The following MAPK8 variants were observed in gnomAD, a reference collection of about 807,000 sequenced individuals.
The protein encoded by MAPK8 is mitogen-activated protein kinase 8, also known as JUN N-terminal kinase.
A neutral mutation model predicts 52.9 loss-of-function variants in MAPK8; 13 were observed. The observed-to-expected ratio is 0.25, with a 90% CI of 0.16 to 0.39. MAPK8 has a LOEUF of 0.39. Among genes scored for constraint, MAPK8 ranks in the 10% least tolerant of loss-of-function variants. The probability of loss-of-function intolerance (pLI) is 1.00; values close to 1 mark genes in which losing one functional copy is unlikely to be tolerated. For missense variants in MAPK8, 300 were observed against 519.2 expected (o/e 0.58, Z 4.10); for synonymous variants, 191 against 169.8 (o/e 1.12, Z -0.97).
intron 1 of MAPK8, among the ~76,000 whole-genome samples, chr10:48,360,478 A>G (rs1847417510): frequency 6.6e-6 from 1 of 152,168 alleles, no homozygotes; most frequent in Admixed American, 6.5e-5. Flanking sequence ...AGAAAAGCAT[A>G]AGCAAATGTG....
intron 1 of MAPK8, among the ~76,000 whole-genome samples, chr10:48,350,832 T>C (rs1010736360): frequency 2.6e-5 from 4 of 152,240 alleles, no homozygotes; most frequent in Non-Finnish European, 5.9e-5. Flanking sequence ...AAATTGTCTC[T>C]GTTTGCAGAT....
intron 6 of MAPK8, 136 bp downstream of exon 6, chr10:48,420,456 T>C: frequency 1.2e-6 from 1 of 856,068 alleles, no homozygotes; most frequent in Non-Finnish European, 1.7e-6. Context: ...TATCAAAAGT[T>C]TGCAGGTAAC....
intron 5 of MAPK8, among the ~76,000 whole-genome samples, chr10:48,419,195 TG>T (rs2043216939): frequency 6.6e-6 from 1 of 152,244 alleles, no homozygotes; most frequent in South Asian, 2.1e-4. Context: ...CTTTTCTGTA[TG>T]TTAACATTAC....
At chr10:48,361,228 C>T (rs1589068062) in intron 1 of MAPK8, among the ~76,000 whole-genome samples, 2 of 152,178 alleles carry the variant, frequency 1.3e-5, no homozygotes, top group African/African-American at 4.8e-5. Flanking sequence ...CCCCTGATCA[C>T]ATTAATAGGG....
chr10:48,374,493 A>G (rs1202621470), intron 1 of MAPK8, among the ~76,000 whole-genome samples: 1 of 152,174 alleles, frequency 6.6e-6, no homozygotes, highest in Non-Finnish European at 1.5e-5. Flanking sequence ...ACCGCTAGCC[A>G]GACTAATAAA....
intron 1 of MAPK8, among the ~76,000 whole-genome samples, chr10:48,353,813 A>G (rs192176381): frequency 4.3e-4 from 66 of 152,340 alleles, no homozygotes; most frequent in Admixed American, 1.1e-3. Flanking sequence ...TCTTGAAATG[A>G]CAAAATTATA....
chr10:48,353,343 T>C (rs897290275), intron 1 of MAPK8, among the ~76,000 whole-genome samples: 5 of 152,286 alleles, frequency 3.3e-5, no homozygotes, highest in African/African-American at 9.6e-5. Flanking sequence ...TTTCGACTTA[T>C]AAAGATAGCA....
chr10:48,418,513 A>G (rs1240675814), intron 5 of MAPK8, among the ~76,000 whole-genome samples: 1 of 152,144 alleles, frequency 6.6e-6, no homozygotes, highest in Non-Finnish European at 1.5e-5. Context: ...CTAATCACCA[A>G]AGCAGGGCAG....
At chr10:48,336,429 G>A (rs1844692702) in intron 1 of MAPK8, among the ~76,000 whole-genome samples, 2 of 152,052 alleles carry the variant, frequency 1.3e-5, no homozygotes, top group African/African-American at 2.4e-5. Flanking sequence ...AATTTGATGT[G>A]GCTCCTACTT....
chr10:48,418,908 G>T (rs1447261625), intron 5 of MAPK8, among the ~76,000 whole-genome samples: 1 of 152,140 alleles, frequency 6.6e-6, no homozygotes, highest in Non-Finnish European at 1.5e-5. Context: ...CTAGTATAAA[G>T]AGCCAGTAAC....
chr10:48,373,983 A>G (rs2040493434), intron 1 of MAPK8, among the ~76,000 whole-genome samples: 1 of 152,138 alleles, frequency 6.6e-6, no homozygotes, highest in Non-Finnish European at 1.5e-5. Flanking sequence ...ACTAAAATTG[A>G]CCACATAAGT....
intron 1 of MAPK8, among the ~76,000 whole-genome samples, chr10:48,330,444 T>G (rs1301506087): frequency 6.6e-6 from 1 of 152,232 alleles, no homozygotes; most frequent in Non-Finnish European, 1.5e-5. Context: ...CCCTGTGATG[T>G]GGCAACAGAC....
chr10:48,393,098 TGTG>T (rs1267692061), intron 1 of MAPK8, among the ~76,000 whole-genome samples: 1 of 152,180 alleles, frequency 6.6e-6, no homozygotes, highest in Non-Finnish European at 1.5e-5. Flanking sequence ...GCTCATTAAA[TGTG>T]GTTGTTATAA....
At chr10:48,427,949 A>G (rs2043799577) in intron 10 of MAPK8, among the ~76,000 whole-genome samples, 1 of 152,190 alleles carries the variant, frequency 6.6e-6, no homozygotes, top group Non-Finnish European at 1.5e-5. Flanking sequence ...GCTGTTAGAA[A>G]CAACTCTGCA....
At chr10:48,360,656 C>A (rs1263523061) in intron 1 of MAPK8, among the ~76,000 whole-genome samples, 1 of 152,308 alleles carries the variant, frequency 6.6e-6, no homozygotes, top group African/African-American at 2.4e-5. Context: ...CACACACTCT[C>A]ACACGCATGT....
At chr10:48,394,636 A>G (rs981109684) in intron 1 of MAPK8, among the ~76,000 whole-genome samples, 5 of 151,930 alleles carry the variant, frequency 3.3e-5, no homozygotes, top group Non-Finnish European at 5.9e-5. Flanking sequence ...TATATATATC[A>G]TGCTTAGTGA....
chr10:48,346,549 A>T (rs2091611), intron 1 of MAPK8, among the ~76,000 whole-genome samples: 1 of 152,020 alleles, frequency 6.6e-6, no homozygotes, highest in African/African-American at 2.4e-5. Context: ...ACTGGGAAGC[A>T]GGGGGGAGGG....
Position 48,436,695 on chromosome 10 carries a change from G to A in MAPK8, c.*1666G>A, listed in dbSNP as rs1469786904. On this transcript the variant is annotated 3_prime_UTR_variant, in exon 12 of 12. Transcript: ENST00000374189. ...AGATATTTTACATCACTGTTAATGTGCAATATTTAAGATTAAAATACATTA... is the reference window on the plus strand; with the variant it reads ...AGATATTTTACATCACTGTTAATGTACAATATTTAAGATTAAAATACATTA... 6.6e-6 allele frequency: 1 copy of A among 152,138 alleles called. No homozygotes were observed. Among genetic ancestry groups the A allele is most frequent in the African/African-American group, 2.4e-5 (1 of 41,428 alleles). The allele number at this position is 152,138 out of a possible 1,614,324, so 9.4% of individuals were successfully genotyped here. A position where few individuals can be genotyped will look rare whatever the true frequency, so the allele number is the denominator to read the frequency against.
intron 5 of MAPK8, among the ~76,000 whole-genome samples, chr10:48,419,773 TA>T (rs752055546): frequency 2.0e-5 from 3 of 152,232 alleles, no homozygotes; most frequent in Non-Finnish European, 4.4e-5. Context: ...AATGAGATTT[TA>T]AAAATATTGG....
Sources: allele counts gnomAD v4.1 joint callset (sites outside exome capture counted in the v4.1 genomes callset), GRCh38; gene constraint gnomAD v4.1.1; transcripts MANE v1.5; gene names NCBI Gene and HGNC (gene_info 2026-07-23, HGNC 2026-07-21).